The following KLF8 variants were observed in gnomAD, a reference collection of about 807,000 sequenced individuals.
KLF8 encodes KLF transcription factor 8.
Under a neutral mutation model 18.2 loss-of-function variants are expected in KLF8, and 10 were observed. The ratio of observed to expected loss-of-function variants is 0.55; its 90% CI spans 0.34 to 0.93. The LOEUF (loss-of-function observed/expected upper bound fraction) is 0.93. Ranked by LOEUF, KLF8 falls within the 40% of genes least tolerant of loss-of-function variation. KLF8 has a pLI of 0.02. For missense variants in KLF8, 264 were observed against 277.9 expected (o/e 0.95, Z 0.36); for synonymous variants, 109 against 97.3 (o/e 1.12, Z -0.71).
the KLF8 span, among the ~76,000 whole-genome samples, chrX:56,105,663 A>T: frequency 9.1e-6 from 1 of 109,979 alleles, no homozygotes; most frequent in Non-Finnish European, 1.9e-5. Flanking sequence ...CTCTTTATCC[A>T]ATTTGCCAGT....
chrX:56,183,935 C>A, the KLF8 span, among the ~76,000 whole-genome samples: 1 of 111,678 alleles, frequency 9.0e-6, no homozygotes, highest in Non-Finnish European at 1.9e-5. Flanking sequence ...CAGCTCCCAC[C>A]ATGAGCGATG....
the KLF8 span, among the ~76,000 whole-genome samples, chrX:56,126,368 C>T: frequency 3.6e-5 from 4 of 112,047 alleles, no homozygotes; most frequent in Non-Finnish European, 7.5e-5. Flanking sequence ...AAACTACCAC[C>T]ATCTCTCTTT....
At chrX:56,113,463 A>G in the KLF8 span, among the ~76,000 whole-genome samples, 1 of 106,953 alleles carries the variant, frequency 9.3e-6, no homozygotes, top group African/African-American at 3.4e-5. Flanking sequence ...TTCCAAACTA[A>G]TTTTTGCAAA....
chrX:56,151,090 G>T, the KLF8 span, among the ~76,000 whole-genome samples: 1 of 111,191 alleles, frequency 9.0e-6, no homozygotes, highest in African/African-American at 3.3e-5. Context: ...AGAACTCTAA[G>T]AAGTATAAGA....
the KLF8 span, among the ~76,000 whole-genome samples, chrX:56,008,444 C>T: frequency 9.7e-3 from 1,079 of 111,654 alleles, 11 homozygotes; most frequent in African/African-American, 0.033. Context: ...AACTCCCACC[C>T]GCAACGAAGG....
the KLF8 span, among the ~76,000 whole-genome samples, chrX:56,221,850 C>G: frequency 9.0e-6 from 1 of 111,700 alleles, no homozygotes. Context: ...GAGGGGGTTG[C>G]CACTGCTGGC....
chrX:56,055,892 A>T, the KLF8 span, among the ~76,000 whole-genome samples: 1 of 111,499 alleles, frequency 9.0e-6, no homozygotes, highest in African/African-American at 3.3e-5. Flanking sequence ...AAATTTTTGT[A>T]GTGTGATTTT....
chrX:56,082,869 C>T, the KLF8 span, among the ~76,000 whole-genome samples: 5 of 111,701 alleles, frequency 4.5e-5, no homozygotes, highest in Admixed American at 1.9e-4. Context: ...GCTGTCTTCT[C>T]GCCTCCATAT....
At chrX:55,950,556 G>A in the KLF8 span, among the ~76,000 whole-genome samples, 7 of 111,337 alleles carry the variant, frequency 6.3e-5, no homozygotes, top group African/African-American at 2.3e-4. Context: ...GCTGTTATGA[G>A]GATTAAATGA....
the KLF8 span, among the ~76,000 whole-genome samples, chrX:56,101,398 C>T: frequency 1.8e-5 from 2 of 111,970 alleles, no homozygotes; most frequent in Non-Finnish European, 3.8e-5. Context: ...GACTCCATGT[C>T]TATGTTATTG....
the KLF8 span, among the ~76,000 whole-genome samples, chrX:56,216,626 T>A: frequency 9.1e-6 from 1 of 109,858 alleles, no homozygotes; most frequent in Non-Finnish European, 1.9e-5. Flanking sequence ...TCCTCCAACC[T>A]TGACCTCCCA....
chrX:56,229,796 G>T (rs760406918), upstream of KLF8, among the ~76,000 whole-genome samples: 21 of 111,585 alleles, frequency 1.9e-4, no homozygotes, highest in South Asian at 7.6e-3. Flanking sequence ...TCTTAGAATG[G>T]ATGTTCTCAT....
the KLF8 span, among the ~76,000 whole-genome samples, chrX:56,033,111 TC>T: frequency 1.8e-5 from 2 of 111,632 alleles, no homozygotes; most frequent in Non-Finnish European, 3.8e-5. Context: ...CATATCCATC[TC>T]CTCAAATACT....
At chrX:56,215,903 G>C in the KLF8 span, among the ~76,000 whole-genome samples, 1 of 93,058 alleles carries the variant, frequency 1.1e-5, no homozygotes, top group Non-Finnish European at 2.0e-5. Context: ...ATATCCAATT[G>C]TTTACTTGGC....
At chrX:56,158,579 G>T in the KLF8 span, among the ~76,000 whole-genome samples, 1 of 111,515 alleles carries the variant, frequency 9.0e-6, no homozygotes, top group Non-Finnish European at 1.9e-5. Flanking sequence ...GCAGTGGTTT[G>T]TAGTTCTCCT....
the KLF8 span, among the ~76,000 whole-genome samples, chrX:56,157,156 G>A: frequency 5.4e-4 from 55 of 102,035 alleles, no homozygotes; most frequent in African/African-American, 2.0e-3. Flanking sequence ...AACATCACAT[G>A]TTCTCTCTCA....
the KLF8 span, among the ~76,000 whole-genome samples, chrX:56,164,019 G>T: frequency 9.0e-6 from 1 of 111,669 alleles, no homozygotes; most frequent in Non-Finnish European, 1.9e-5. Context: ...TATAGTTTAT[G>T]CAGTGCAATG....
the KLF8 span, among the ~76,000 whole-genome samples, chrX:56,183,886 T>G: frequency 9.2e-6 from 1 of 108,488 alleles, no homozygotes; most frequent in African/African-American, 3.3e-5. Flanking sequence ...GACCCGGAGG[T>G]GGCAGCCAAG....
chrX:56,218,830 A>C, the KLF8 span, among the ~76,000 whole-genome samples: 1 of 112,184 alleles, frequency 8.9e-6, no homozygotes, highest in Non-Finnish European at 1.9e-5. Flanking sequence ...GAAAGTAGAG[A>C]TGTGAGATTA....
Sources: allele counts gnomAD v4.1 joint callset (sites outside exome capture counted in the v4.1 genomes callset), GRCh38; gene constraint gnomAD v4.1.1; transcripts MANE v1.5; gene names NCBI Gene and HGNC (gene_info 2026-07-23, HGNC 2026-07-21).